PACS1: variants seen among roughly 807,000 people sequenced by gnomAD.
PACS1 encodes the protein PACS-1.
In PACS1, 24 loss-of-function variants were observed where a neutral mutation model predicts 115.0. That is an observed-to-expected ratio of 0.21 (90% CI 0.15 to 0.29). The LOEUF is 0.29. PACS1 is among the 10% of genes least tolerant of loss of function. PACS1 has a pLI of 1.00. For missense variants in PACS1, 838 were observed against 1,251.2 expected (o/e 0.67, Z 4.98); for synonymous variants, 453 against 504.5 (o/e 0.90, Z 1.37).
At chr11:66,081,418 GC>G (rs201743239) in intron 1 of PACS1, among the ~76,000 whole-genome samples, 3 of 151,142 alleles carry the variant, frequency 2.0e-5, no homozygotes, top group African/African-American at 4.9e-5. Context: ...CGTCTTCCCT[GC>G]CCCCCCCAAC....
chr11:66,168,431 T>C (rs1859657764), intron 1 of PACS1, among the ~76,000 whole-genome samples: 1 of 150,438 alleles, frequency 6.6e-6, no homozygotes, highest in Admixed American at 6.6e-5. Flanking sequence ...AGCGAGACAG[T>C]GTAGAGACAG....
At chr11:66,217,374 C>T (rs1855237972) in intron 7 of PACS1, 1 of 334,408 alleles carries the variant, frequency 3.0e-6, no homozygotes, top group South Asian at 2.2e-5. Flanking sequence ...AGCTAAAAAC[C>T]TGAATTCCTA....
At position 66,242,478 on chromosome 11, in the gene PACS1, T is replaced by C. The variant is rs1351979226; in HGVS notation, c.2657-434T>C. Among the ~76,000 whole-genome samples the C allele has an allele frequency of 5.9e-5, 9 of 152,204 alleles. No homozygotes were observed. The East Asian group carries it at 1.7e-3, about 29-fold the overall frequency. ...TCAGCAGTGACCTCCCTGCCCTTGCTTCCTTTCTGGAGTGGGAGTGGAACA... is the reference window on the plus strand; with the variant it reads ...TCAGCAGTGACCTCCCTGCCCTTGCCTCCTTTCTGGAGTGGGAGTGGAACA... On this transcript the variant is annotated intron_variant, in intron 22 of 23. Coordinates refer to ENST00000320580, the MANE Select transcript of PACS1 (RefSeq NM_018026.4).
chr11:66,209,631 C>G (rs923842559), intron 2 of PACS1, among the ~76,000 whole-genome samples: 2 of 152,014 alleles, frequency 1.3e-5, no homozygotes, highest in Non-Finnish European at 2.9e-5. Context: ...ATGTTTGGGC[C>G]GGGCTCAGTG....
rs1353644429 is a variant in PACS1 at position 66,219,742 on chromosome 11, A to G, written c.979-4A>G. The G allele has an allele frequency of 2.5e-6, 4 of 1,612,944 alleles. No homozygotes were observed. Among genetic ancestry groups the G allele is most frequent in the African/African-American group, 1.3e-5 (1 of 74,862 alleles). ...GAGAACTGTCATGCGATTTGTCCCT[A>G]CAGCAACCTAACATCAAACAGAAGT... is the stretch of plus-strand genomic sequence containing the variant. On this transcript the variant is annotated splice_region_variant and splice_polypyrimidine_tract_variant and intron_variant, in intron 7 of 23. Coordinates refer to ENST00000320580, the MANE Select transcript of PACS1 (RefSeq NM_018026.4).
chr11:66,152,308 TC>T (rs1859258602), intron 1 of PACS1, among the ~76,000 whole-genome samples: 1 of 152,212 alleles, frequency 6.6e-6, no homozygotes, highest in South Asian at 2.1e-4. Context: ...TGAAGATAGA[TC>T]AATAGAAATT....
chr11:66,168,756 G>A (rs981366327), intron 1 of PACS1, among the ~76,000 whole-genome samples: 13 of 148,930 alleles, frequency 8.7e-5, no homozygotes, highest in African/African-American at 2.6e-4. Flanking sequence ...ATATATATGT[G>A]TGTGTGTGTG....
intron 1 of PACS1, among the ~76,000 whole-genome samples, chr11:66,093,175 A>G (rs552658633): frequency 5.3e-5 from 8 of 152,244 alleles, no homozygotes; most frequent in African/African-American, 1.9e-4. Context: ...ATTTGTTTGT[A>G]TCCTCTTTTA....
chr11:66,154,411 C>T, intron 1 of PACS1, among the ~76,000 whole-genome samples: 1 of 152,244 alleles, frequency 6.6e-6, no homozygotes, highest in African/African-American at 2.4e-5. Context: ...TGCCCTCCAG[C>T]CTGGGCAACA....
intron 10 of PACS1, among the ~76,000 whole-genome samples, chr11:66,225,861 T>G (rs1339894727): frequency 6.6e-6 from 1 of 152,192 alleles, no homozygotes; most frequent in African/African-American, 2.4e-5. Flanking sequence ...TTTTCCATGA[T>G]TCTAGATTCT....
chr11:66,212,783 A>G (rs927545381), intron 4 of PACS1, among the ~76,000 whole-genome samples: 1 of 152,184 alleles, frequency 6.6e-6, no homozygotes, highest in African/African-American at 2.4e-5. Context: ...TCATCACTAT[A>G]CTTGGATGCT....
intron 1 of PACS1, among the ~76,000 whole-genome samples, chr11:66,072,323 T>C (rs1054129925): frequency 6.6e-6 from 1 of 152,214 alleles, no homozygotes; most frequent in Admixed American, 6.5e-5. Flanking sequence ...GTTTCCTGTT[T>C]AACACCCACA....
intron 10 of PACS1, among the ~76,000 whole-genome samples, chr11:66,222,596 CTT>C (rs1466680524): frequency 2.0e-5 from 3 of 152,168 alleles, no homozygotes; most frequent in Non-Finnish European, 2.9e-5. Context: ...AGCCCAGTGT[CTT>C]TTCTGTAGAT....
At chr11:66,117,907 G>A (rs138793366) in intron 1 of PACS1, among the ~76,000 whole-genome samples, 31 of 152,234 alleles carry the variant, frequency 2.0e-4, no homozygotes, top group Admixed American at 7.2e-4. Context: ...ATAATGATGC[G>A]GTAGACTTTC....
At chr11:66,078,527 T>C (rs1054093499) in intron 1 of PACS1, among the ~76,000 whole-genome samples, 4 of 152,228 alleles carry the variant, frequency 2.6e-5, no homozygotes, top group Non-Finnish European at 5.9e-5. Flanking sequence ...ATGTTAATTG[T>C]CTCTGAAGGA....
intron 1 of PACS1, among the ~76,000 whole-genome samples, chr11:66,133,150 T>C (rs1858740495): frequency 6.6e-6 from 1 of 152,204 alleles, no homozygotes; most frequent in Non-Finnish European, 1.5e-5. Flanking sequence ...CCAGAAAATT[T>C]CTGGAATCTG....
intron 1 of PACS1, among the ~76,000 whole-genome samples, chr11:66,077,662 GTTTA>G (rs930879821): frequency 3.4e-5 from 5 of 147,174 alleles, no homozygotes; most frequent in Non-Finnish European, 6.0e-5. Context: ...TGGCAGGTTT[GTTTA>G]TTTAATTTTG....
At chr11:66,210,261 C>A in intron 2 of PACS1, 101 bp from the exon 3 acceptor site, 1 of 864,496 alleles carries the variant, frequency 1.2e-6, no homozygotes. Context: ...GTCTCAAACT[C>A]CTGAGTCCAA....
intron 11 of PACS1, among the ~76,000 whole-genome samples, chr11:66,229,771 G>A (rs189206452): frequency 4.1e-4 from 63 of 151,948 alleles, no homozygotes; most frequent in Admixed American, 2.8e-3. Flanking sequence ...GAGAAACCCC[G>A]TCTCTACTAA....
Sources: gnomAD v4.1 joint callset for allele counts (sites outside exome capture counted in the v4.1 genomes callset) on GRCh38, gnomAD v4.1.1 for gene constraint, MANE v1.5 for transcripts, NCBI Gene and HGNC (gene_info 2026-07-23, HGNC 2026-07-21) for gene names.